KIF27: variants seen among roughly 807,000 people sequenced by gnomAD.
KIF27 encodes the protein kinesin-like protein KIF27.
KIF27 carries 84 observed loss-of-function variants against 141.8 expected under a neutral mutation model. The observed-to-expected ratio is 0.59, with a 90% confidence interval of 0.50 to 0.71. The LOEUF (loss-of-function observed/expected upper bound fraction) is 0.71, where lower values mean the gene tolerates loss of function less well. KIF27 is among the 30% of genes least tolerant of loss of function. The pLI is 0.00. For synonymous variants in KIF27, 471 were observed against 569.5 expected, an observed-to-expected ratio of 0.83 and a Z score of 2.46; for missense variants, 1,306 against 1,628.4, an observed-to-expected ratio of 0.80 and a Z score of 3.41.
chr9:83,916,496 T>A (rs186809085), intron 1 of KIF27, among the ~76,000 whole-genome samples: 14 of 152,290 alleles, frequency 9.2e-5, no homozygotes, highest in Non-Finnish European at 2.1e-4. Flanking sequence ...TCAAAAATAA[T>A]CAAAACTAAC....
At chr9:83,872,651 T>C (rs1273155846) in intron 11 of KIF27, among the ~76,000 whole-genome samples, 2 of 152,226 alleles carry the variant, frequency 1.3e-5, no homozygotes, top group African/African-American at 4.8e-5. Flanking sequence ...AAAATAAAAA[T>C]TATACCTTCT....
intron 16 of KIF27, among the ~76,000 whole-genome samples, chr9:83,846,887 C>A (rs999910474): frequency 1.3e-5 from 2 of 152,090 alleles, no homozygotes; most frequent in Admixed American, 6.5e-5. Context: ...CAGCAGGCTA[C>A]GAAGGGAGTT....
intron 15 of KIF27, among the ~76,000 whole-genome samples, chr9:83,852,494 A>G (rs934511863): frequency 3.3e-5 from 5 of 151,986 alleles, no homozygotes; most frequent in African/African-American, 7.2e-5. Flanking sequence ...GCACTCCACT[A>G]TCTTTCTACC....
intron 14 of KIF27, among the ~76,000 whole-genome samples, chr9:83,857,296 C>T (rs1239565289): frequency 1.3e-5 from 2 of 152,172 alleles, no homozygotes; most frequent in Non-Finnish European, 1.5e-5. Flanking sequence ...TACCTTGTGT[C>T]GTCACATCAG....
chr9:83,898,693 T>C (rs1953523425), intron 5 of KIF27: 1 of 152,194 alleles, frequency 6.6e-6, no homozygotes, highest in Admixed American at 6.5e-5. Context: ...GGCTCATACC[T>C]GTAATCAATC....
intron 15 of KIF27, among the ~76,000 whole-genome samples, chr9:83,850,783 C>CA (rs1006584677): frequency 1.7e-4 from 19 of 112,022 alleles, no homozygotes; most frequent in South Asian, 3.1e-4. Flanking sequence ...AACTCTGTCT[C>CA]AAAAAAAAAG....
chr9:83,838,753 C>T (rs910856052), intron 17 of KIF27: 3 of 152,168 alleles, frequency 2.0e-5, no homozygotes, highest in Non-Finnish European at 2.9e-5. Flanking sequence ...GCTGGAACAC[C>T]GTTGCCACTG....
chr9:83,904,796 C>T (rs1954326320), intron 3 of KIF27, among the ~76,000 whole-genome samples: 1 of 151,528 alleles, frequency 6.6e-6, no homozygotes, highest in Non-Finnish European at 1.5e-5. Flanking sequence ...ATAATCAAGC[C>T]ATCCTTAGCT....
intron 1 of KIF27, among the ~76,000 whole-genome samples, chr9:83,920,317 T>G (rs1360537366): frequency 6.6e-6 from 1 of 152,228 alleles, no homozygotes; most frequent in Non-Finnish European, 1.5e-5. Flanking sequence ...CCATAGCACT[T>G]ATACTTCAGA....
chr9:83,920,225 AAAAC>A (rs1242092396), intron 1 of KIF27, among the ~76,000 whole-genome samples: 1 of 152,210 alleles, frequency 6.6e-6, no homozygotes, highest in African/African-American at 2.4e-5. Flanking sequence ...GTCTCAAAAC[AAAAC>A]AAACAAACAA....
chr9:83,863,001 C>T (rs1212785087), intron 13 of KIF27, among the ~76,000 whole-genome samples: 2 of 152,110 alleles, frequency 1.3e-5, no homozygotes, highest in African/African-American at 4.8e-5. Context: ...TATAAAAATG[C>T]TTGTGATTTT....
At chr9:83,849,829 A>G (rs1235832154) in intron 16 of KIF27, among the ~76,000 whole-genome samples, 2 of 152,176 alleles carry the variant, frequency 1.3e-5, no homozygotes, top group East Asian at 3.8e-4. Context: ...CTACATAAAA[A>G]CTAGACCAAC....
Position 83,844,269 on chromosome 9 carries a change from G to A in KIF27, c.3557-1868C>T, listed in dbSNP as rs150494896. 9.1e-4 allele frequency among the ~76,000 whole-genome samples: 99 copies of A among 108,966 alleles called. No individual in the cohort carries two copies. In the East Asian group the frequency reaches 0.018, roughly 20 times the overall value. 71.5% of individuals were successfully genotyped at this position (108,966 alleles called of 152,430 possible). ...CAGCCTACTGTGGGACCTTGTGATT[G>A]TGTAAGTTAATAATAAACTCCCCTT... On this transcript the variant is annotated intron_variant, in intron 16 of 17. Transcript: ENST00000297814.
At position 83,903,214 on chromosome 9, in the gene KIF27, T is replaced by A; in HGVS notation, c.1304A>T (p.Gln435Leu). 1 of 1,614,194 alleles carries A rather than the reference T, an allele frequency of 6.2e-7. No homozygotes were observed. The highest frequency in any genetic ancestry group is 8.5e-7 in the Non-Finnish European group (1 of 1,180,044). The change falls in exon 4 of 18, where the codon CAG (glutamine) becomes CTG (leucine). Residue 435 changes from glutamine (Q) to leucine (L), a missense_variant. Transcript: ENST00000297814. ...LKDTVRLNEKQQHKLQEWFNM... is the reference protein window; with the variant it reads ...LKDTVRLNEKLQHKLQEWFNM... ...AAACCACTCCTGCAGTTTGTGTTGC[T>A]GCTTTTCGTTTAGTCTGACAGTATC...
chr9:83,857,779 G>A (rs923696914), intron 14 of KIF27, among the ~76,000 whole-genome samples: 2 of 151,978 alleles, frequency 1.3e-5, no homozygotes, highest in African/African-American at 2.4e-5. Flanking sequence ...ATCTACTGAG[G>A]CTGCCTTGAT....
intron 10 of KIF27, among the ~76,000 whole-genome samples, chr9:83,883,610 G>C (rs1182146132): frequency 6.6e-6 from 1 of 152,068 alleles, no homozygotes. Flanking sequence ...TATGATGATT[G>C]AAAGAAGATA....
intron 8 of KIF27, among the ~76,000 whole-genome samples, 193 bp from the exon 9 acceptor site, chr9:83,887,389 T>G (rs1952206286): frequency 6.6e-6 from 1 of 152,236 alleles, no homozygotes; most frequent in East Asian, 1.9e-4. Flanking sequence ...TAAGAGTTTT[T>G]ATTTTCTTAC....
chr9:83,842,490 T>C, intron 16 of KIF27, 89 bp from the exon 17 acceptor site: 1 of 1,414,990 alleles, frequency 7.1e-7, no homozygotes, highest in Non-Finnish European at 9.2e-7. Flanking sequence ...TGAGACGGAG[T>C]CTCGCACTGT....
rs1449445659 is a variant in KIF27, at chr9:83,887,145, A to T, written c.2135T>A (p.Leu712Ter). 2.1e-5 allele frequency: 33 copies of T among 1,590,916 alleles called. No homozygotes were observed. The highest frequency in any genetic ancestry group is 2.7e-5 in the Non-Finnish European group (32 of 1,170,738). ...AGTAAGTATGCGTTCTGAATTCTTT[A>T]ATTTTTGCAAATTCAATTCTTGACT... Reference protein sequence around the residue: ...QESQELNLQKLKNSERILTEA... With the variant: ...QESQELNLQK Residue 712 changes from leucine to a stop codon, truncating the protein, a stop_gained, in exon 9 of 18, where the codon TTA becomes TAA. Transcript: ENST00000297814. LOFTEE classifies it high-confidence loss of function.
Sources: gnomAD v4.1 joint callset for allele counts (sites outside exome capture counted in the v4.1 genomes callset) on GRCh38, gnomAD v4.1.1 for gene constraint, MANE v1.5 for transcripts, NCBI Gene and HGNC (gene_info 2026-07-23, HGNC 2026-07-21) for gene names.